The following LRRC45 variants were observed in gnomAD, a reference collection of about 807,000 sequenced individuals.
LRRC45 encodes the protein leucine rich repeat containing 45.
Under a neutral mutation model 85.4 loss-of-function variants are expected in LRRC45, and 73 were observed. That is an observed-to-expected ratio of 0.85 (90% CI 0.71 to 1.04). The LOEUF (loss-of-function observed/expected upper bound fraction) is 1.04, where lower values mean the gene tolerates loss of function less well. LRRC45 is among the 50% of genes least tolerant of loss of function. LRRC45 has a pLI of 0.00. For synonymous variants in LRRC45, 429 were observed against 386.0 expected (o/e 1.11, Z -1.31); for missense variants, 937 against 883.3 (o/e 1.06, Z -0.77).
rs1598456126 is a variant in LRRC45, at chr17:82,028,862, A to G, written c.1308+179A>G. On this transcript the variant is annotated intron_variant, in intron 12 of 16. Transcript: ENST00000306688. ...ACCTCCTATTGGGGGCGGCGGGGGG[A>G]CCCCGGCAATGTCTGAGCCGTAGTA... The G allele has an allele frequency of 3.8e-6, 3 of 792,908 alleles. No homozygotes were observed. The South Asian group carries it at 5.4e-5, about 14-fold the overall frequency. 49.1% of individuals were successfully genotyped at this position (792,908 alleles called of 1,614,324 possible).
chr17:82,026,325 G>A (rs2043367415), intron 5 of LRRC45, among the ~76,000 whole-genome samples: 1 of 152,158 alleles, frequency 6.6e-6, no homozygotes, highest in Non-Finnish European at 1.5e-5. Context: ...TTGCGGTGGA[G>A]CAGCTCCCAC....
chr17:82,029,902 C>CGA (rs2043402560), intron 14 of LRRC45, among the ~76,000 whole-genome samples, 163 bp from the exon 15 acceptor site: 1 of 152,182 alleles, frequency 6.6e-6, no homozygotes, highest in South Asian at 2.1e-4. Flanking sequence ...GAGGAGAGCC[C>CGA]AGAGGGCATC....
At position 82,026,887 on chromosome 17, in the gene LRRC45, C is replaced by A; in HGVS notation, c.662-12C>A. 6.3e-7 allele frequency: 1 copy of A among 1,593,112 alleles called. No homozygotes were observed. On this transcript the variant is annotated splice_polypyrimidine_tract_variant and intron_variant, in intron 5 of 16. Transcript: ENST00000306688. ...GAGCCCCTGTGCCCAGCTGACACAG[C>A]TCCTTCTGCAGAGCAAGCCATGGGC... is the stretch of plus-strand genomic sequence containing the variant.
At chr17:82,030,287 T>G in intron 15 of LRRC45, 32 bp from the exon 16 acceptor site, 3 of 1,542,710 alleles carry the variant, frequency 1.9e-6, no homozygotes, top group Non-Finnish European at 2.6e-6. Flanking sequence ...CCCCCAACCC[T>G]CGCCTCACTC....
chr17:82,028,398 T>C lies in LRRC45; in HGVS notation c.1127T>C (p.Val376Ala). ...TCCCTCCCTGGTGCCGGCTTTCAGG[T>C]AGACGAGTTGGAGCGGAAGTTCAGG... ...NEKNLLLQNQ[V>A]DELERKFRCQ... is the part of the protein sequence containing the mutation. The change falls in exon 11 of 17, where the codon GTA (valine) becomes GCA (alanine). Residue 376 changes from valine (V) to alanine (A), a missense_variant and splice_region_variant. Physicochemically the swap from Val to Ala is moderately conservative, Grantham distance 64. Coordinates refer to ENST00000306688, the MANE Select transcript of LRRC45 (RefSeq NM_144999.4). 1 of 1,612,324 alleles carries C rather than the reference T, an allele frequency of 6.2e-7. No individual in the cohort carries two copies. The highest frequency in any genetic ancestry group is 8.5e-7 in the Non-Finnish European group (1 of 1,179,872).
At position 82,029,636 on chromosome 17, in the gene LRRC45, G is replaced by A. The variant is rs772809185; in HGVS notation, c.1494+1G>A. ...CAAGAGCCAGGCCCGCCTGGAGGAG[G>A]TGAGCCACACATGTCCGCCACCCTC... On this transcript the variant is annotated splice_donor_variant, in intron 14 of 16. Transcript: ENST00000306688. LOFTEE classifies it high-confidence loss of function. 5.7e-6 allele frequency: 9 copies of A among 1,566,388 alleles called. No homozygotes were observed. Among genetic ancestry groups the A allele is most frequent in the Non-Finnish European group, 6.9e-6 (8 of 1,157,184 alleles).
At chr17:82,027,580 A>G (rs1000218612) in intron 7 of LRRC45, 94 bp from the exon 8 acceptor site, 4 of 1,537,314 alleles carry the variant, frequency 2.6e-6, no homozygotes, top group East Asian at 4.6e-5. Flanking sequence ...GCGACCATAG[A>G]TGCTTAAGGA....
chr17:82,028,371 C>A, intron 10 of LRRC45, 26 bp from the exon 11 acceptor site: 1 of 1,610,774 alleles, frequency 6.2e-7, no homozygotes, highest in South Asian at 1.1e-5. Context: ...TGGGCTGCAG[C>A]TTCCCTCCCT....
Position 82,029,525 on chromosome 17 carries a change from A to G in LRRC45, c.1402-18A>G, listed in dbSNP as rs2043398259. ...GCCAGGGACAGGAGAACGGGCTGGC[A>G]GGTGGCCATCTGTGCAGGAGCTGAG... On this transcript the variant is annotated intron_variant, in intron 13 of 16. Transcript: ENST00000306688. The G allele has an allele frequency of 2.6e-6, 4 of 1,556,946 alleles. No homozygotes were observed. Among genetic ancestry groups the G allele is most frequent in the Non-Finnish European group, 3.5e-6 (4 of 1,151,662 alleles).
Position 82,030,747 on chromosome 17 carries a change from A to G in LRRC45, c.1955A>G (p.Asn652Ser). The G allele has an allele frequency of 1.4e-6, 2 of 1,473,550 alleles. No individual in the cohort carries two copies. The highest frequency in any genetic ancestry group is 2.6e-5 in the East Asian group (1 of 38,534). 91.3% of individuals were successfully genotyped at this position (1,473,550 alleles called of 1,614,324 possible). ...EEAQRASFLQ[N>S]AVLAYVQASP... is the part of the protein sequence containing the mutation. ...GCCCAGAGGGCGAGCTTCCTGCAGA[A>G]CGCCGTCCTGGCTTACGTGCAGGCG... The change falls in exon 17 of 17, where the codon AAC becomes AGC. Residue 652 changes from asparagine to serine, a missense_variant. Asn to Ser is a conservative substitution (Grantham distance 46). Coordinates refer to ENST00000306688, the MANE Select transcript of LRRC45 (RefSeq NM_144999.4).
chr17:82,028,027 G>GC lies in LRRC45; in HGVS notation c.930dup (p.Ala311ArgfsTer47). On this transcript the variant is annotated frameshift_variant, in exon 9 of 17. Transcript: ENST00000306688. LOFTEE classifies it high-confidence loss of function. ...TTTCTGCAGGCTGCAGATGACAGAGGCCGCCCTGGCTCTGTCGGAGCAGAA... is the reference window on the plus strand; with the variant it reads ...TTTCTGCAGGCTGCAGATGACAGAGGCCCGCCCTGGCTCTGTCGGAGCAGAA... The GC allele has an allele frequency of 6.2e-7, 1 of 1,605,296 alleles. No individual in the cohort carries two copies. Among genetic ancestry groups the GC allele is most frequent in the Non-Finnish European group, 8.5e-7 (1 of 1,177,196 alleles).
chr17:82,027,614 A>AG, intron 7 of LRRC45, 60 bp from the exon 8 acceptor site: 1 of 1,568,056 alleles, frequency 6.4e-7, no homozygotes, highest in Non-Finnish European at 8.7e-7. Flanking sequence ...CCGAGGCCAG[A>AG]GGGGTATGGG....
chr17:82,029,585 C>G lies in LRRC45; in HGVS notation c.1444C>G (p.Gln482Glu). 3 of 1,581,376 alleles carry G rather than the reference C, an allele frequency of 1.9e-6. No individual in the cohort carries two copies. The highest frequency in any genetic ancestry group is 2.6e-6 in the Non-Finnish European group (3 of 1,165,206). ...AGCAGCGGCACTCAGCGAGCGTGGCCAGGCTGAGGAGGAGCTGATCAAGGC... is the reference window on the plus strand; with the variant it reads ...AGCAGCGGCACTCAGCGAGCGTGGCGAGGCTGAGGAGGAGCTGATCAAGGC... ...VKAAALSERG[Q>E]AEEELIKAKS... The change falls in exon 14 of 17, where the codon CAG becomes GAG. Residue 482 changes from glutamine (Q) to glutamate (E), a missense_variant. Physicochemically the swap from Gln to Glu is conservative, Grantham distance 29. Transcript: ENST00000306688.
intron 8 of LRRC45, 68 bp from the exon 9 acceptor site, chr17:82,027,943 G>C: frequency 3.2e-6 from 5 of 1,544,644 alleles, no homozygotes; most frequent in Non-Finnish European, 4.3e-6. Context: ...AACAGTGAAA[G>C]CAGCGAGGCC....
intron 14 of LRRC45, 96 bp from the exon 15 acceptor site, chr17:82,029,969 G>C (rs2043403085): frequency 7.2e-7 from 1 of 1,392,666 alleles, no homozygotes; most frequent in Non-Finnish European, 9.5e-7. Context: ...AGAGCAGCCA[G>C]TCCTGCAGAG....
rs1431459283 is a variant in LRRC45, at chr17:82,028,137, G to A, written c.1038G>A (p.Leu346=). 5 of 1,566,866 alleles carry A rather than the reference G, an allele frequency of 3.2e-6. No individual in the cohort carries two copies. In the Admixed American group the frequency reaches 9.6e-5, roughly 30 times the overall value. The change falls in exon 9 of 17, where the codon CTG becomes CTA. Residue 346 remains leucine, a synonymous_variant. Coordinates refer to ENST00000306688, the MANE Select transcript of LRRC45 (RefSeq NM_144999.4). ...AGAGGCAGGCCAAGGAGCTCAAGCT[G>A]GAGCAGCAGGTGGGTGGGCAGGGCT... ...LSQRQAKELK[L]EQQEAAERES...
At chr17:82,026,864 G>C (rs750599882) in intron 5 of LRRC45, 35 bp from the exon 6 acceptor site, 3 of 1,547,392 alleles carry the variant, frequency 1.9e-6, no homozygotes, top group Non-Finnish European at 8.8e-7. Context: ...CCAGGCATGA[G>C]CCCCTGTGCC....
Position 82,024,315 on chromosome 17 carries a change from C to T in LRRC45, c.258C>T (p.Thr86=), listed in dbSNP as rs150032877. 6.8e-6 allele frequency: 11 copies of T among 1,612,358 alleles called. No individual in the cohort carries two copies. Among genetic ancestry groups the T allele is most frequent in the African/African-American group, 6.7e-5 (5 of 74,918 alleles). The change falls in exon 2 of 17, where the codon ACC becomes ACT. Residue 86 remains threonine, a synonymous_variant. Coordinates refer to ENST00000306688, the MANE Select transcript of LRRC45 (RefSeq NM_144999.4). ...TLLLRGLCAN[T]VLRFLDLKGN... ...TGCTCCGAGGCCTGTGTGCCAACAC[C>T]GTGCTGCGCTTTCTGGACTTAAAGG... is the stretch of plus-strand genomic sequence containing the variant.
intron 12 of LRRC45, 180 bp from the exon 13 acceptor site, chr17:82,028,913 G>A: frequency 1.4e-6 from 1 of 714,868 alleles, no homozygotes. Context: ...GAGACACCAA[G>A]GCCCACTCGT....
Sources: allele counts gnomAD v4.1 joint callset (sites outside exome capture counted in the v4.1 genomes callset), GRCh38; gene constraint gnomAD v4.1.1; transcripts MANE v1.5; gene names NCBI Gene and HGNC (gene_info 2026-07-23, HGNC 2026-07-21).